GLUL: variants seen among roughly 807,000 people sequenced by gnomAD.
GLUL encodes glutamine synthetase.
Under a neutral mutation model 36.9 loss-of-function variants are expected in GLUL, and 8 were observed. The ratio of observed to expected loss-of-function variants is 0.22; its 90% CI spans 0.13 to 0.39. GLUL has a LOEUF of 0.39. GLUL is among the 10% of genes least tolerant of loss of function. The pLI is 1.00. For synonymous variants in GLUL, 182 were observed against 172.8 expected (o/e 1.05, Z -0.42); for missense variants, 315 against 501.8 (o/e 0.63, Z 3.56).
In GLUL at chr1:182,384,513, T is replaced by G; in HGVS notation, c.1014A>C (p.Glu338Asp). Reference sequence around the variant, plus strand: ...CGCAGTTGGCAGAGGGGCGACGATCTTCAAAGTAACCCTTCTTCTCCTGGC... The same window carrying G: ...CGCAGTTGGCAGAGGGGCGACGATCGTCAAAGTAACCCTTCTTCTCCTGGC... ...TVGQEKKGYFEDRRPSANCDP... is the reference protein window; with the variant it reads ...TVGQEKKGYFDDRRPSANCDP... The change falls in exon 7 of 7, where the codon GAA (glutamate) becomes GAC (aspartate). Residue 338 changes from glutamate to aspartate, a missense_variant. Physicochemically the swap from Glu to Asp is conservative, Grantham distance 45. Transcript: ENST00000331872. The G allele has an allele frequency of 6.2e-7, 1 of 1,614,120 alleles. No individual in the cohort carries two copies. The highest frequency in any genetic ancestry group is 2.2e-5 in the East Asian group (1 of 44,888).
chr1:182,388,000 G>A (rs973071577), intron 2 of GLUL, among the ~76,000 whole-genome samples: 4 of 152,314 alleles, frequency 2.6e-5, no homozygotes, highest in Non-Finnish European at 4.4e-5. Context: ...TTCCAGAAGA[G>A]GGAAGACTAT....
In GLUL at chr1:182,382,809, C is replaced by T. The variant is rs779753907; in HGVS notation, c.*1596G>A. The T allele has an allele frequency of 6.6e-6, 1 of 152,166 alleles. No individual in the cohort carries two copies. The highest frequency in any genetic ancestry group is 1.5e-5 in the Non-Finnish European group (1 of 68,034). The allele number at this position is 152,166 out of a possible 1,614,324, so 9.4% of individuals were successfully genotyped here. The stretch of plus-strand genomic sequence containing the variant: ...GTTTTAAAAACTCAGAGTACATAAA[C>T]TTGAGCTTATTTTGCCTGTTTTAGG... On this transcript the variant is annotated 3_prime_UTR_variant, in exon 7 of 7. Coordinates refer to ENST00000331872, the MANE Select transcript of GLUL (RefSeq NM_001033044.4).
chr1:182,387,448 G>A (rs1057003695), intron 2 of GLUL, among the ~76,000 whole-genome samples, 156 bp from the exon 3 acceptor site: 1 of 152,034 alleles, frequency 6.6e-6, no homozygotes, highest in Non-Finnish European at 1.5e-5. Flanking sequence ...GTATACCCTG[G>A]CACCTGTACC....
rs572692407 is a variant in GLUL, at chr1:182,380,656, A to T, written c.*3749T>A. On this transcript the variant is annotated 3_prime_UTR_variant, in exon 7 of 7. Transcript: ENST00000331872. ...GTCTTGCTGTCATGGCCAGAGTTAA[A>T]ATACAGTCAAACAACAAAGACCTCA... 1.2e-4 allele frequency among the ~76,000 whole-genome samples: 19 copies of T among 152,368 alleles called. No individual in the cohort carries two copies. Among genetic ancestry groups the T allele is most frequent in the African/African-American group, 4.6e-4 (19 of 41,594 alleles).
In GLUL at chr1:182,381,407, TTTTGTA is replaced by T. The variant is rs1649922956; in HGVS notation, c.*2992_*2997del. ...ATTTAAGGAGTTCATGGAGACCTCC[TTTTGTA>T]AATACTGGCCTGACTCCTTAAGGTT... On this transcript the variant is annotated 3_prime_UTR_variant, in exon 7 of 7. Coordinates refer to ENST00000331872, the MANE Select transcript of GLUL (RefSeq NM_001033044.4). Among the ~76,000 whole-genome samples, 1 of 152,258 alleles carries T rather than the reference TTTTGTA, an allele frequency of 6.6e-6. No individual in the cohort carries two copies. The highest frequency in any genetic ancestry group is 2.4e-5 in the African/African-American group (1 of 41,468).
chr1:182,389,190 A>C (rs1650307039), intron 1 of GLUL: 1 of 192,162 alleles, frequency 5.2e-6, no homozygotes, highest in African/African-American at 2.3e-5. Context: ...AAACTATCAG[A>C]GGAAACAAAT....
chr1:182,388,628 C>G lies in GLUL; in HGVS notation c.110G>C (p.Gly37Ala). Reference sequence around the variant, plus strand: ...CCGGGTCTTGCAGCGCAGTCCTTCTCCAGTACCATCGATCCAGATATACAT... The same window carrying G: ...CCGGGTCTTGCAGCGCAGTCCTTCTGCAGTACCATCGATCCAGATATACAT... ...QAMYIWIDGT[G>A]EGLRCKTRTL... The change falls in exon 2 of 7, where the codon GGA becomes GCA. Residue 37 changes from glycine (G) to alanine (A), a missense_variant. Physicochemically the swap from Gly to Ala is moderately conservative, Grantham distance 60. Around this residue, in one of 3 missense-constraint regions of GLUL, gnomAD observed 256 missense variants for 396.1 expected, o/e 0.65. Transcript: ENST00000331872. 6.2e-7 allele frequency: 1 copy of G among 1,613,936 alleles called. No individual in the cohort carries two copies.
Position 182,379,416 on chromosome 1 carries a change from T to G in GLUL, c.*4989A>C, listed in dbSNP as rs1168927978. Among the ~76,000 whole-genome samples the G allele has an allele frequency of 6.6e-6, 1 of 151,934 alleles. No homozygotes were observed. Among genetic ancestry groups the G allele is most frequent in the Non-Finnish European group, 1.5e-5 (1 of 67,992 alleles). On this transcript the variant is annotated 3_prime_UTR_variant, in exon 7 of 7. Coordinates refer to ENST00000331872, the MANE Select transcript of GLUL (RefSeq NM_001033044.4). ...TTTGGTATTTTTAATAGAGACAAGG[T>G]TTCACCATGTTGGCCACGCTGGTCT... is the stretch of plus-strand genomic sequence containing the variant.
chr1:182,386,184 A>G (rs1571406749), intron 4 of GLUL, 72 bp downstream of exon 4: 2 of 1,419,024 alleles, frequency 1.4e-6, no homozygotes, highest in East Asian at 2.3e-5. Context: ...AGTCATTCCC[A>G]TCCCTGGGAA....
Position 182,383,409 on chromosome 1 carries a change from C to CT in GLUL, c.*995dup, listed in dbSNP as rs1341194559. On this transcript the variant is annotated 3_prime_UTR_variant, in exon 7 of 7. Transcript: ENST00000331872. ...ACATGCTCAAGTTGACCAGCCAACTCTTATCTCTAAACCTATGTGGACAAG... is the reference window on the plus strand; with the variant it reads ...ACATGCTCAAGTTGACCAGCCAACTCTTTATCTCTAAACCTATGTGGACAAG... 6.6e-6 allele frequency: 1 copy of CT among 152,202 alleles called. No individual in the cohort carries two copies. The highest frequency in any genetic ancestry group is 1.5e-5 in the Non-Finnish European group (1 of 68,042). The allele number at this position is 152,202 out of a possible 1,614,324, so 9.4% of individuals were successfully genotyped here.
rs1430071626 is a variant in GLUL, at chr1:182,384,735, A to G, written c.804-12T>C. The G allele has an allele frequency of 6.2e-7, 1 of 1,608,606 alleles. No homozygotes were observed. The highest frequency in any genetic ancestry group is 8.5e-7 in the Non-Finnish European group (1 of 1,175,036). ...CCTCCTCGATGTACCTAGAGTAAAC[A>G]GAAAAGATGGCAGTCCAACCTTGTC... On this transcript the variant is annotated splice_polypyrimidine_tract_variant and intron_variant, in intron 6 of 6. Transcript: ENST00000331872.
Position 182,383,218 on chromosome 1 carries a change from T to C in GLUL, c.*1187A>G, listed in dbSNP as rs1650013456. ...CTCCAAGAGCAGAGGTAGGAGACAG[T>C]TGAAGCAAACAAGCAATTCTGTAAA... On this transcript the variant is annotated 3_prime_UTR_variant, in exon 7 of 7. Transcript: ENST00000331872. The C allele has an allele frequency of 6.6e-6, 1 of 152,154 alleles. No individual in the cohort carries two copies. Among genetic ancestry groups the C allele is most frequent in the African/African-American group, 2.4e-5 (1 of 41,436 alleles). 9.4% of individuals were successfully genotyped at this position (152,154 alleles called of 1,614,324 possible). A position where few individuals can be genotyped will look rare whatever the true frequency, so the allele number is the denominator to read the frequency against.
Position 182,381,891 on chromosome 1 carries a change from A to C in GLUL, c.*2514T>G, listed in dbSNP as rs1236735008. ...ATGCTAAGGATGAAACAGGGTACTCAACAATCATGCTGAAACAGGCATAAA... is the reference window on the plus strand; with the variant it reads ...ATGCTAAGGATGAAACAGGGTACTCCACAATCATGCTGAAACAGGCATAAA... On this transcript the variant is annotated 3_prime_UTR_variant, in exon 7 of 7. Coordinates refer to ENST00000331872, the MANE Select transcript of GLUL (RefSeq NM_001033044.4). 3.3e-5 allele frequency: 5 copies of C among 152,252 alleles called. No individual in the cohort carries two copies. Among genetic ancestry groups the C allele is most frequent in the Admixed American group, 3.3e-4 (5 of 15,284 alleles). 9.4% of individuals were successfully genotyped at this position (152,252 alleles called of 1,614,324 possible).
intron 1 of GLUL, chr1:182,389,100 C>T: frequency 2.9e-6 from 1 of 347,230 alleles, no homozygotes; most frequent in Non-Finnish European, 5.6e-6. Flanking sequence ...CCCAGGCTTC[C>T]AAGCTAGAAC....
At position 182,379,229 on chromosome 1, in the gene GLUL, A is replaced by ATTTG. The variant is rs890560467; in HGVS notation, c.*5172_*5175dup. ...TGAACTGCCACTTATTTATTTATTT[A>ATTTG]TTTGTTTATTTTTTGATATGTCTCA... On this transcript the variant is annotated 3_prime_UTR_variant, in exon 7 of 7. Coordinates refer to ENST00000331872, the MANE Select transcript of GLUL (RefSeq NM_001033044.4). Among the ~76,000 whole-genome samples the ATTTG allele has an allele frequency of 6.7e-6, 1 of 149,556 alleles. No homozygotes were observed. The highest frequency in any genetic ancestry group is 1.5e-5 in the Non-Finnish European group (1 of 67,396).
Position 182,383,972 on chromosome 1 carries a change from A to C in GLUL, c.*433T>G, listed in dbSNP as rs926662307. The C allele has an allele frequency of 1.0e-5, 2 of 199,110 alleles. No homozygotes were observed. The highest frequency in any genetic ancestry group is 5.3e-5 in the Admixed American group (1 of 18,880). The allele number at this position is 199,110 out of a possible 1,614,324, so 12.3% of individuals were successfully genotyped here. A position where few individuals can be genotyped will look rare whatever the true frequency, so the allele number is the denominator to read the frequency against. ...CACTTTTAATAGAAAAGTTGGTTAT[A>C]ACTTTTTAAGAAAAGTTTCCACCAC... On this transcript the variant is annotated 3_prime_UTR_variant, in exon 7 of 7. Transcript: ENST00000331872.
rs1483539524 is a variant in GLUL, at chr1:182,379,114, G to A, written c.*5291C>T. Among the ~76,000 whole-genome samples, 1 of 151,994 alleles carries A rather than the reference G, an allele frequency of 6.6e-6. No homozygotes were observed. Among genetic ancestry groups the A allele is most frequent in the African/African-American group, 2.4e-5 (1 of 41,412 alleles). ...GAATTTTTTTAAATGAACGGTCGGAGATCGAGCTAAAGGCTATAAAATGGC... is the reference window on the plus strand; with the variant it reads ...GAATTTTTTTAAATGAACGGTCGGAAATCGAGCTAAAGGCTATAAAATGGC... On this transcript the variant is annotated 3_prime_UTR_variant, in exon 7 of 7. Transcript: ENST00000331872.
In GLUL at chr1:182,380,943, A is replaced by G. The variant is rs1464046816; in HGVS notation, c.*3462T>C. ...TACCCTTCTACACAGACAGCAGCAC[A>G]GATCTGGCTTTTTACATGGCCCTAG... On this transcript the variant is annotated 3_prime_UTR_variant, in exon 7 of 7. Transcript: ENST00000331872. 6.6e-6 allele frequency among the ~76,000 whole-genome samples: 1 copy of G among 152,246 alleles called. No individual in the cohort carries two copies. The highest frequency in any genetic ancestry group is 1.5e-5 in the Non-Finnish European group (1 of 68,038).
chr1:182,389,021 C>G, intron 1 of GLUL: 1 of 382,598 alleles, frequency 2.6e-6, no homozygotes, highest in Non-Finnish European at 4.8e-6. Context: ...AAAGATCAGG[C>G]CCTTGGTAGT....
Sources: gnomAD v4.1 joint callset for allele counts (sites outside exome capture counted in the v4.1 genomes callset) on GRCh38, gnomAD v4.1.1 for gene constraint, gnomAD v4.1.1 regional missense constraint, MANE v1.5 for transcripts, NCBI Gene and HGNC (gene_info 2026-07-23, HGNC 2026-07-21) for gene names.